Variants in NUP214 observed in about 807,000 individuals in gnomAD.
The protein encoded by NUP214 is nuclear pore complex protein Nup214.
In NUP214, 79 loss-of-function variants were observed where a neutral mutation model predicts 196.2. The ratio of observed to expected loss-of-function variants is 0.40; its 90% CI spans 0.34 to 0.49. The LOEUF (loss-of-function observed/expected upper bound fraction) is 0.49, where lower values mean the gene tolerates loss of function less well. Ranked by LOEUF, NUP214 falls within the 20% of genes least tolerant of loss-of-function variation. The probability of loss-of-function intolerance (pLI) is 0.58; values close to 1 mark genes in which losing one functional copy is unlikely to be tolerated. For synonymous variants in NUP214, 1,020 were observed against 990.5 expected (o/e 1.03, Z -0.56); for missense variants, 2,468 against 2,539.0 (o/e 0.97, Z 0.60).
chr9:131,151,822 A>G lies in NUP214; in HGVS notation c.2364A>G (p.Arg788=), dbSNP rs1409290325. The change falls in exon 17 of 36, where the codon AGA becomes AGG. Residue 788 remains arginine, a synonymous_variant. Transcript: ENST00000359428. ...GVEEAREQNE[R]NRDSGYLHLL... is the part of the protein sequence containing the mutation. ...AGGAAGCCAGAGAACAAAATGAAAG[A>G]AATCGTGACTCTGGTTATCTGCATT... is the stretch of plus-strand genomic sequence containing the variant. 6.2e-7 allele frequency: 1 copy of G among 1,613,706 alleles called. No homozygotes were observed. The highest frequency in any genetic ancestry group is 2.2e-5 in the East Asian group (1 of 44,850).
intron 16 of NUP214, among the ~76,000 whole-genome samples, chr9:131,151,030 ATGCATACTG>A (rs1832243964): frequency 1.3e-5 from 2 of 152,294 alleles, no homozygotes; most frequent in East Asian, 3.9e-4. Flanking sequence ...TATCCCTTTG[ATGCATACTG>A]TGCACTCCAT....
At position 131,144,528 on chromosome 9, in the gene NUP214, C is replaced by T. The variant is rs774910965; in HGVS notation, c.1543C>T (p.Pro515Ser). ...CGACAGCTCCAAAGCAGCCCCAGGC[C>T]CTGGCCCATCAACCTTCTCTTTTGT... ...GSDSSKAAPGPGPSTFSFVPP... is the reference protein window; with the variant it reads ...GSDSSKAAPGSGPSTFSFVPP... Residue 515 changes from proline to serine, a missense_variant, in exon 12 of 36, where the codon CCT becomes TCT. Transcript: ENST00000359428. 6.2e-7 allele frequency: 1 copy of T among 1,614,132 alleles called. No individual in the cohort carries two copies. Among genetic ancestry groups the T allele is most frequent in the Non-Finnish European group, 8.5e-7 (1 of 1,180,010 alleles).
In NUP214 at chr9:131,187,311, G is replaced by A; in HGVS notation, c.3442G>A (p.Ala1148Thr). The A allele has an allele frequency of 1.2e-6, 2 of 1,611,784 alleles. No individual in the cohort carries two copies. The highest frequency in any genetic ancestry group is 1.7e-6 in the Non-Finnish European group (2 of 1,179,036). Residue 1148 changes from alanine (A) to threonine (T), a missense_variant, in exon 25 of 36, where the codon GCC becomes ACC. Transcript: ENST00000359428. ...CAGTTCTTCAGTGCCCTACTCCACA[G>A]CCAAAACACCTCACCCAGTGTTGAC... ...AMGSSVPYSTAKTPHPVLTPV... is the reference protein window; with the variant it reads ...AMGSSVPYSTTKTPHPVLTPV...
intron 32 of NUP214, among the ~76,000 whole-genome samples, chr9:131,225,396 G>A (rs1383215725): frequency 6.6e-6 from 1 of 152,180 alleles, no homozygotes. Flanking sequence ...TTCATCCTGG[G>A]CAACAAAGCA....
Position 131,144,351 on chromosome 9 carries a change from G to C in NUP214, c.1366G>C (p.Ala456Pro), listed in dbSNP as rs1832016744. 5 of 1,614,076 alleles carry C rather than the reference G, an allele frequency of 3.1e-6. No individual in the cohort carries two copies. The highest frequency in any genetic ancestry group is 4.2e-6 in the Non-Finnish European group (5 of 1,180,020). ...KLDASAAAAP[A>P]SLPPSSPAAP... ...GGATGCTTCTGCAGCTGCAGCCCCT[G>C]CCTCTCTGCCACCTTCATCACCTGC... Residue 456 changes from alanine (A) to proline (P), a missense_variant, in exon 12 of 36, where the codon GCC becomes CCC. Around this residue, in one of 5 missense-constraint regions of NUP214, gnomAD observed 1,801 missense variants for 1,779.4 expected, o/e 1.01. Coordinates refer to ENST00000359428, the MANE Select transcript of NUP214 (RefSeq NM_005085.4).
chr9:131,230,314 T>C (rs1834840450), intron 33 of NUP214: 1 of 284,452 alleles, frequency 3.5e-6, no homozygotes, highest in Non-Finnish European at 6.6e-6. Context: ...AGCTTAAGGA[T>C]TGTTGGAGGT....
intron 11 of NUP214, 36 bp from the exon 12 acceptor site, chr9:131,144,244 G>A (rs1162077365): frequency 1.3e-6 from 2 of 1,490,318 alleles, no homozygotes; most frequent in East Asian, 2.3e-5. Flanking sequence ...CACTGTTACA[G>A]TGTTAACATT....
intron 1 of NUP214, chr9:131,126,070 C>A: frequency 2.6e-6 from 1 of 380,926 alleles, no homozygotes; most frequent in Non-Finnish European, 4.8e-6. Flanking sequence ...GGCAGCCCTA[C>A]GAAGTAGTCG....
intron 30 of NUP214, among the ~76,000 whole-genome samples, chr9:131,210,338 C>A (rs1834203784): frequency 6.6e-6 from 1 of 152,034 alleles, no homozygotes; most frequent in Non-Finnish European, 1.5e-5. Flanking sequence ...CTTAAAAAAA[C>A]CAATGGAAAG....
intron 11 of NUP214, among the ~76,000 whole-genome samples, chr9:131,143,718 T>C (rs547789126): frequency 7.4e-4 from 113 of 152,304 alleles, no homozygotes; most frequent in African/African-American, 2.6e-3. Context: ...ATTTGTCATT[T>C]GCTATGGATC....
chr9:131,204,375 T>C (rs1292340673), intron 30 of NUP214, among the ~76,000 whole-genome samples: 1 of 152,228 alleles, frequency 6.6e-6, no homozygotes, highest in Non-Finnish European at 1.5e-5. Context: ...TGGAGCAGAT[T>C]AGACCCACTG....
rs147603698 is a variant in NUP214, at chr9:131,174,121, C to G, written c.2960C>G (p.Thr987Arg). The change falls in exon 22 of 36, where the codon ACG becomes AGG. Residue 987 changes from threonine (T) to arginine (R), a missense_variant. Thr to Arg is a moderately conservative substitution (Grantham distance 71). This residue lies in a region of NUP214 where 1,801 missense variants were observed against 1,779.4 expected (regional missense o/e 1.01). Transcript: ENST00000359428. ...YYEDLDEVSS[T>R]SSVSQSLESE... ...GAAGACTTGGATGAAGTCAGCTCAA[C>G]GTCATCTGTCTCCCAGTCTCTGGAG... The G allele has an allele frequency of 1.2e-6, 2 of 1,613,904 alleles. No individual in the cohort carries two copies. Among genetic ancestry groups the G allele is most frequent in the South Asian group, 2.2e-5 (2 of 91,062 alleles).
intron 12 of NUP214, among the ~76,000 whole-genome samples, chr9:131,145,558 A>G (rs1832064598): frequency 6.6e-6 from 1 of 152,178 alleles, no homozygotes; most frequent in Non-Finnish European, 1.5e-5. Flanking sequence ...ATAGTGTTCC[A>G]TTTTGTTGAC....
intron 22 of NUP214, 147 bp downstream of exon 22, chr9:131,174,465 T>TC: frequency 4.0e-6 from 3 of 756,388 alleles, no homozygotes. Flanking sequence ...CTTTTTTTTT[T>TC]TGAGGTGGAG....
Position 131,197,869 on chromosome 9 carries a change from A to G in NUP214, c.4375A>G (p.Thr1459Ala). 3 of 1,613,580 alleles carry G rather than the reference A, an allele frequency of 1.9e-6. No individual in the cohort carries two copies. Among genetic ancestry groups the G allele is most frequent in the Non-Finnish European group, 8.5e-7 (1 of 1,179,998 alleles). The change falls in exon 29 of 36, where the codon ACA becomes GCA. Residue 1459 changes from threonine to alanine, a missense_variant. Physicochemically the swap from Thr to Ala is moderately conservative, Grantham distance 58. Coordinates refer to ENST00000359428, the MANE Select transcript of NUP214 (RefSeq NM_005085.4). ...GCCCCCATCTGCCCCACCACCAACT[A>G]CAGCTGCCACTCCCCTTCCAACATC... ...TVPPSAPPPT[T>A]AATPLPTSFP... is the part of the protein sequence containing the mutation.
At position 131,144,864 on chromosome 9, in the gene NUP214, A is replaced by T; in HGVS notation, c.1769+110A>T. The T allele has an allele frequency of 5.9e-6, 5 of 844,338 alleles. 1 individual carries two copies. The South Asian group carries it at 9.4e-5, about 16-fold the overall frequency. 52.3% of individuals were successfully genotyped at this position (844,338 alleles called of 1,614,324 possible). On this transcript the variant is annotated intron_variant, in intron 12 of 35. Coordinates refer to ENST00000359428, the MANE Select transcript of NUP214 (RefSeq NM_005085.4). ...GGAGTTAACTGAGTAGAATTTTTTT[A>T]CCCAGAGTGATACTTGCAAATGGCA...
chr9:131,217,874 C>G (rs537148109), intron 31 of NUP214, among the ~76,000 whole-genome samples: 1 of 152,172 alleles, frequency 6.6e-6, no homozygotes, highest in African/African-American at 2.4e-5. Context: ...CTGGTTTGCA[C>G]GGACACATGA....
intron 30 of NUP214, among the ~76,000 whole-genome samples, chr9:131,212,865 G>A (rs1210199420): frequency 6.6e-6 from 1 of 152,182 alleles, no homozygotes; most frequent in African/African-American, 2.4e-5. Flanking sequence ...AGGATGAGAA[G>A]TACTTGGGGG....
intron 32 of NUP214, among the ~76,000 whole-genome samples, chr9:131,224,171 A>G (rs182939312): frequency 4.6e-5 from 7 of 152,334 alleles, no homozygotes; most frequent in Admixed American, 4.6e-4. Flanking sequence ...TTTTTATCCC[A>G]GCATTACTAT....
Sources: allele counts gnomAD v4.1 joint callset (sites outside exome capture counted in the v4.1 genomes callset), GRCh38; gene constraint gnomAD v4.1.1; regional missense constraint gnomAD v4.1.1; transcripts MANE v1.5; gene names NCBI Gene and HGNC (gene_info 2026-07-23, HGNC 2026-07-21).